The following EPHB1 variants were observed in gnomAD, a reference collection of about 807,000 sequenced individuals.
The protein encoded by EPHB1 is ephrin type-B receptor 1.
A neutral mutation model predicts 94.4 loss-of-function variants in EPHB1; 30 were observed. That is an observed-to-expected ratio of 0.32 (90% CI 0.24 to 0.43). The LOEUF is 0.43. Ranked by LOEUF, EPHB1 falls within the 20% of genes least tolerant of loss-of-function variation. The pLI is 1.00. For missense variants in EPHB1, 1,055 were observed against 1,308.3 expected, an observed-to-expected ratio of 0.81 and a Z score of 2.99; for synonymous variants, 522 against 489.1, an observed-to-expected ratio of 1.07 and a Z score of -0.89.
chr3:134,816,152 G>A (rs1322596930), intron 1 of EPHB1, among the ~76,000 whole-genome samples: 3 of 126,670 alleles, frequency 2.4e-5, no homozygotes, highest in Admixed American at 8.4e-5. Context: ...GTGTGATCTC[G>A]GCTCACTGCA....
At chr3:135,224,657 GC>G (rs1259857084) in intron 12 of EPHB1, among the ~76,000 whole-genome samples, 5 of 152,090 alleles carry the variant, frequency 3.3e-5, no homozygotes, top group African/African-American at 1.2e-4. Flanking sequence ...CCCAATTTCA[GC>G]ATCCATTGAT....
intron 2 of EPHB1, among the ~76,000 whole-genome samples, chr3:134,935,945 GGC>G (rs1420739734): frequency 6.6e-6 from 1 of 152,136 alleles, no homozygotes; most frequent in African/African-American, 2.4e-5. Context: ...GAAGGAAGGT[GGC>G]ATCTCTCCCA....
intron 3 of EPHB1, among the ~76,000 whole-genome samples, chr3:134,987,575 CG>C (rs1243883831): frequency 6.6e-6 from 1 of 152,018 alleles, no homozygotes; most frequent in African/African-American, 2.4e-5. Flanking sequence ...CTGGCTAACA[CG>C]GTGAAACCTC....
chr3:134,976,257 G>A (rs1934189114), intron 3 of EPHB1, among the ~76,000 whole-genome samples: 1 of 152,198 alleles, frequency 6.6e-6, no homozygotes, highest in Non-Finnish European at 1.5e-5. Context: ...AGATTCCAGG[G>A]CAAGAGCAGA....
rs561092607 is a variant in EPHB1, at chr3:134,907,472, T to C, written c.59-18344T>C. On this transcript the variant is annotated intron_variant, in intron 1 of 15. Coordinates refer to ENST00000398015, the MANE Select transcript of EPHB1 (RefSeq NM_004441.5). ...GCCATTACCAGATTTAACACTGAGATTTGAATGCTGTAGAGTGAAGTTCCG... is the reference window on the plus strand; with the variant it reads ...GCCATTACCAGATTTAACACTGAGACTTGAATGCTGTAGAGTGAAGTTCCG... Among the ~76,000 whole-genome samples the C allele has an allele frequency of 3.9e-5, 6 of 152,320 alleles. No homozygotes were observed. In the South Asian group the frequency reaches 1.2e-3, roughly 32 times the overall value.
intron 7 of EPHB1, 70 bp downstream of exon 7, chr3:135,162,250 T>G: frequency 6.9e-7 from 1 of 1,459,170 alleles, no homozygotes; most frequent in South Asian, 1.4e-5. Context: ...GCCCCAAAGA[T>G]GCTGCACTAG....
chr3:135,035,325 C>T (rs892720654), intron 3 of EPHB1, among the ~76,000 whole-genome samples: 1 of 152,184 alleles, frequency 6.6e-6, no homozygotes. Flanking sequence ...AGCCTTTTTC[C>T]ACTGAAAGAA....
chr3:134,959,555 G>A (rs1054807696), intron 3 of EPHB1, among the ~76,000 whole-genome samples: 1 of 152,158 alleles, frequency 6.6e-6, no homozygotes, highest in African/African-American at 2.4e-5. Context: ...TGGTGGCTCT[G>A]TGGTTACACA....
rs1243029809 is a variant in EPHB1, at chr3:135,053,027, G to GTATATATATATATATATA, written c.806-53410_806-53393dup. 8.5e-4 allele frequency among the ~76,000 whole-genome samples: 94 copies of GTATATATATATATATATA among 110,400 alleles called. 1 individual carries two copies. The highest frequency in any genetic ancestry group is 4.2e-3 in the Middle Eastern group (1 of 236). 72.4% of individuals were successfully genotyped at this position (110,400 alleles called of 152,430 possible). A position where few individuals can be genotyped will look rare whatever the true frequency, so the allele number is the denominator to read the frequency against. On this transcript the variant is annotated intron_variant, in intron 3 of 15. Coordinates refer to ENST00000398015, the MANE Select transcript of EPHB1 (RefSeq NM_004441.5). The stretch of plus-strand genomic sequence containing the variant: ...TGTGTATATATATGTGTGTGTGTGT[G>GTATATATATATATATATA]TATATATATATATATATATATATAT...
intron 3 of EPHB1, among the ~76,000 whole-genome samples, chr3:135,004,285 C>T (rs1188833300): frequency 6.6e-6 from 1 of 151,074 alleles, no homozygotes; most frequent in Non-Finnish European, 1.5e-5. Context: ...TGAATATTGG[C>T]CCCCACTCTC....
intron 4 of EPHB1, among the ~76,000 whole-genome samples, chr3:135,127,248 G>T (rs117026573): frequency 6.6e-6 from 1 of 152,196 alleles, no homozygotes; most frequent in Non-Finnish European, 1.5e-5. Flanking sequence ...GTTGCAACAC[G>T]TGTTCACTTT....
intron 1 of EPHB1, among the ~76,000 whole-genome samples, chr3:134,870,193 G>A (rs777890010): frequency 1.3e-5 from 2 of 152,108 alleles, no homozygotes; most frequent in African/African-American, 2.4e-5. Flanking sequence ...TTCCTGAGGT[G>A]AGCCAAAGTC....
intron 1 of EPHB1, among the ~76,000 whole-genome samples, chr3:134,873,257 C>T (rs1419190380): frequency 6.6e-6 from 1 of 152,182 alleles, no homozygotes; most frequent in Non-Finnish European, 1.5e-5. Flanking sequence ...CCTCTGTGTT[C>T]TGATTCCCTT....
At chr3:134,939,841 T>A (rs1203524243) in intron 2 of EPHB1, among the ~76,000 whole-genome samples, 4 of 152,224 alleles carry the variant, frequency 2.6e-5, no homozygotes, top group Non-Finnish European at 5.9e-5. Flanking sequence ...AAAGCTCCAT[T>A]ATGGTCCCAC....
chr3:135,125,605 GTTTTC>G (rs1940165136), intron 4 of EPHB1, among the ~76,000 whole-genome samples: 1 of 152,184 alleles, frequency 6.6e-6, no homozygotes, highest in Non-Finnish European at 1.5e-5. Context: ...GTTTGGTGTT[GTTTTC>G]TTTTGTTTTG....
chr3:134,962,508 C>T (rs181613005), intron 3 of EPHB1, among the ~76,000 whole-genome samples: 17 of 152,280 alleles, frequency 1.1e-4, no homozygotes, highest in African/African-American at 3.4e-4. Context: ...AGGTGCTTGA[C>T]GCTGGAAGAC....
At chr3:134,996,153 T>A (rs1396137525) in intron 3 of EPHB1, among the ~76,000 whole-genome samples, 2 of 152,230 alleles carry the variant, frequency 1.3e-5, no homozygotes, top group East Asian at 3.8e-4. Context: ...ATTAGGTTCC[T>A]TATTTACATA....
At chr3:135,189,312 G>T (rs1423639551) in intron 10 of EPHB1, among the ~76,000 whole-genome samples, 15 of 152,142 alleles carry the variant, frequency 9.9e-5, no homozygotes, top group African/African-American at 3.6e-4. Flanking sequence ...ATGGCTTTTG[G>T]CAGTTCACTA....
intron 3 of EPHB1, among the ~76,000 whole-genome samples, chr3:135,065,872 A>G (rs1243593721): frequency 6.6e-6 from 1 of 152,212 alleles, no homozygotes; most frequent in East Asian, 1.9e-4. Context: ...TCCTTTTAGC[A>G]GTTCTTGTAG....
Sources: allele counts gnomAD v4.1 joint callset (sites outside exome capture counted in the v4.1 genomes callset), GRCh38; gene constraint gnomAD v4.1.1; transcripts MANE v1.5; gene names NCBI Gene and HGNC (gene_info 2026-07-23, HGNC 2026-07-21).